Variants in ZNF385B observed in about 807,000 individuals in gnomAD.
The protein encoded by ZNF385B is zinc finger protein 385B, also known as zinc finger protein 533.
ZNF385B carries 23 observed loss-of-function variants against 39.2 expected under a neutral mutation model. The ratio of observed to expected loss-of-function variants is 0.59; its 90% CI spans 0.42 to 0.83. ZNF385B has a LOEUF of 0.83. ZNF385B is among the 40% of genes least tolerant of loss of function. The pLI is 0.00. For synonymous variants in ZNF385B, 205 were observed against 222.6 expected (o/e 0.92, Z 0.70); for missense variants, 552 against 598.9 (o/e 0.92, Z 0.82).
At chr2:179,475,501 C>T (rs950390527) in intron 6 of ZNF385B, among the ~76,000 whole-genome samples, 1 of 151,814 alleles carries the variant, frequency 6.6e-6, no homozygotes, top group Non-Finnish European at 1.5e-5. Flanking sequence ...CCATCCGCCT[C>T]AGCCTTCCAA....
chr2:179,565,445 C>T (rs1684446574), intron 3 of ZNF385B, among the ~76,000 whole-genome samples: 1 of 152,348 alleles, frequency 6.6e-6, no homozygotes, highest in East Asian at 1.9e-4. Flanking sequence ...GAATCCAATT[C>T]AAATGCCGCA....
chr2:179,679,172 AGAT>A (rs1470505144), intron 3 of ZNF385B, among the ~76,000 whole-genome samples: 1 of 152,206 alleles, frequency 6.6e-6, no homozygotes, highest in African/African-American at 2.4e-5. Context: ...ACAGAATGAC[AGAT>A]CCCATTTTAA....
chr2:179,750,799 G>A (rs933304515), intron 3 of ZNF385B, among the ~76,000 whole-genome samples: 1 of 152,118 alleles, frequency 6.6e-6, no homozygotes, highest in East Asian at 1.9e-4. Flanking sequence ...CTTATCTAGT[G>A]CACTTACTGG....
At chr2:179,515,653 T>C (rs531007507) in intron 5 of ZNF385B, among the ~76,000 whole-genome samples, 2 of 152,220 alleles carry the variant, frequency 1.3e-5, no homozygotes, top group Non-Finnish European at 2.9e-5. Flanking sequence ...CATACTTTCA[T>C]TCTAGTAGTA....
intron 3 of ZNF385B, among the ~76,000 whole-genome samples, chr2:179,766,629 C>T (rs144045040): frequency 8.5e-5 from 13 of 152,050 alleles, no homozygotes; most frequent in Admixed American, 3.9e-4. Flanking sequence ...TCTCTGTGTC[C>T]GAATTTCCGT....
At chr2:179,692,824 G>T (rs973017142) in intron 3 of ZNF385B, among the ~76,000 whole-genome samples, 1 of 152,170 alleles carries the variant, frequency 6.6e-6, no homozygotes, top group Non-Finnish European at 1.5e-5. Flanking sequence ...CTCAGTGCTT[G>T]CTGGAGCTTC....
intron 1 of ZNF385B, among the ~76,000 whole-genome samples, chr2:179,783,314 C>T (rs956513909): frequency 2.6e-5 from 4 of 151,672 alleles, no homozygotes; most frequent in Non-Finnish European, 5.9e-5. Flanking sequence ...TTCCTTATAC[C>T]ATCAACAAAA....
intron 1 of ZNF385B, among the ~76,000 whole-genome samples, chr2:179,772,629 A>T (rs1486010826): frequency 6.6e-6 from 1 of 152,220 alleles, no homozygotes; most frequent in African/African-American, 2.4e-5. Context: ...CTAGGCTTAT[A>T]ATATGTGTGA....
At chr2:179,738,835 G>A (rs1701921757) in intron 3 of ZNF385B, among the ~76,000 whole-genome samples, 2 of 152,172 alleles carry the variant, frequency 1.3e-5, no homozygotes, top group South Asian at 4.1e-4. Context: ...CCAAGTCATT[G>A]CAGAGTCCTG....
chr2:179,556,580 G>C (rs1033989352), intron 3 of ZNF385B, among the ~76,000 whole-genome samples: 2 of 149,632 alleles, frequency 1.3e-5, no homozygotes, highest in African/African-American at 5.0e-5. Context: ...TCTCCAGACA[G>C]GGCTTTACTA....
chr2:179,795,608 TCC>T (rs1705612148), intron 1 of ZNF385B, among the ~76,000 whole-genome samples: 1 of 148,290 alleles, frequency 6.7e-6, no homozygotes, highest in Middle Eastern at 3.4e-3. Context: ...TAGAAAGAAA[TCC>T]CAGTTTTCAT....
rs546230059 is a variant in ZNF385B at position 179,443,286 on chromosome 2, G to A, written c.1425C>T (p.Arg475=). 2 of 1,612,576 alleles carry A rather than the reference G, an allele frequency of 1.2e-6. No individual in the cohort carries two copies. The highest frequency in any genetic ancestry group is 4.5e-5 in the East Asian group (2 of 44,890). ...CAAAGAGGATGGAGGCAGGAGTGGC[G>A]CGGATGGGCCCATGCCCAGGCCTCA... The part of the protein sequence containing the change: ...ALLRPGHGPI[R]ATPASILFAP... The change falls in exon 10 of 10, where the codon CGC becomes CGT. Residue 475 remains arginine, a synonymous_variant. Transcript: ENST00000410066.
chr2:179,527,395 C>T (rs745547056), intron 4 of ZNF385B, among the ~76,000 whole-genome samples: 16 of 151,924 alleles, frequency 1.1e-4, no homozygotes, highest in Non-Finnish European at 2.4e-4. Flanking sequence ...CTTTGAAAAG[C>T]TCTGGGATTC....
At chr2:179,843,337 T>C (rs1708639310) in intron 1 of ZNF385B, among the ~76,000 whole-genome samples, 1 of 152,166 alleles carries the variant, frequency 6.6e-6, no homozygotes, top group Non-Finnish European at 1.5e-5. Context: ...CAATCACCCT[T>C]CCACCTGCAT....
chr2:179,685,695 T>TA (rs10930881), intron 3 of ZNF385B, among the ~76,000 whole-genome samples: 56,943 of 150,570 alleles, frequency 0.38, 11,587 homozygotes, highest in East Asian at 0.57. Context: ...CAGAAAGTGC[T>TA]AAAAAAAAAA....
At chr2:179,613,344 C>T (rs1689450764) in intron 3 of ZNF385B, among the ~76,000 whole-genome samples, 2 of 152,160 alleles carry the variant, frequency 1.3e-5, no homozygotes, top group African/African-American at 4.8e-5. Flanking sequence ...TAATGGATCA[C>T]ACCTGAAGCC....
At chr2:179,462,328 C>T (rs2051422139) in intron 6 of ZNF385B, among the ~76,000 whole-genome samples, 2 of 152,170 alleles carry the variant, frequency 1.3e-5, no homozygotes, top group South Asian at 4.1e-4. Flanking sequence ...AGAGTACCTA[C>T]TTTCTTCCAA....
intron 5 of ZNF385B, among the ~76,000 whole-genome samples, chr2:179,493,615 A>ACG (rs2055589703): frequency 1.0e-5 from 1 of 97,876 alleles, no homozygotes; most frequent in African/African-American, 3.6e-5. Flanking sequence ...ATATGTACGT[A>ACG]CATATATGTA....
chr2:179,670,860 G>A (rs1695892808), intron 3 of ZNF385B, among the ~76,000 whole-genome samples: 1 of 152,184 alleles, frequency 6.6e-6, no homozygotes. Context: ...GTGAGCAGTG[G>A]AGGATAAAGG....
Sources: allele counts gnomAD v4.1 joint callset (sites outside exome capture counted in the v4.1 genomes callset), GRCh38; gene constraint gnomAD v4.1.1; transcripts MANE v1.5; gene names NCBI Gene and HGNC (gene_info 2026-07-23, HGNC 2026-07-21).